SLC7A5: variants seen among roughly 807,000 people sequenced by gnomAD.
The protein encoded by SLC7A5 is large neutral amino acids transporter small subunit 1.
SLC7A5 carries 23 observed loss-of-function variants against 50.2 expected under a neutral mutation model. The observed-to-expected ratio is 0.46, with a 90% CI of 0.33 to 0.65. The LOEUF (loss-of-function observed/expected upper bound fraction) is 0.65, where lower values mean the gene tolerates loss of function less well. Among genes scored for constraint, SLC7A5 ranks in the 30% least tolerant of loss-of-function variants. The pLI, the probability that SLC7A5 is intolerant of heterozygous loss-of-function variation, is 0.02. For synonymous variants in SLC7A5, 393 were observed against 330.6 expected, an observed-to-expected ratio of 1.19 and a Z score of -2.05; for missense variants, 578 against 684.4, an observed-to-expected ratio of 0.84 and a Z score of 1.73.
chr16:87,866,739 T>TA (rs1206978040), intron 1 of SLC7A5, among the ~76,000 whole-genome samples: 1 of 152,128 alleles, frequency 6.6e-6, no homozygotes, highest in East Asian at 1.9e-4. Context: ...GTGCTGGGAT[T>TA]ACAGGTGTGA....
intron 2 of SLC7A5, among the ~76,000 whole-genome samples, chr16:87,848,067 G>C (rs2055175736): frequency 6.6e-6 from 1 of 152,260 alleles, no homozygotes; most frequent in African/African-American, 2.4e-5. Flanking sequence ...TGGGGTGAAG[G>C]ACAGCAAGAG....
Position 87,853,387 on chromosome 16 carries a change from GA to G in SLC7A5, c.539-1539del, listed in dbSNP as rs1272901322. The stretch of plus-strand genomic sequence containing the variant: ...TACTACACACCAGGAAAGTCTGGTT[GA>G]AAAATGTCTGAAAGTCAGTGTTTTC... On this transcript the variant is annotated intron_variant, in intron 1 of 9. Transcript: ENST00000261622. The surrounding 1 kb of genome is among the most constrained non-coding windows in gnomAD (Gnocchi z 4.4). 2.0e-5 allele frequency among the ~76,000 whole-genome samples: 3 copies of G among 152,188 alleles called. No homozygotes were observed. Among genetic ancestry groups the G allele is most frequent in the African/African-American group, 4.8e-5 (2 of 41,450 alleles).
In SLC7A5 at chr16:87,860,340, ATACACAC is replaced by A. The variant is rs1162470202; in HGVS notation, c.539-8498_539-8492del. Among the ~76,000 whole-genome samples the A allele has an allele frequency of 2.5e-4, 13 of 52,196 alleles. No individual in the cohort carries two copies. Among genetic ancestry groups the A allele is most frequent in the East Asian group, 7.1e-4 (2 of 2,828 alleles). 34.2% of individuals were successfully genotyped at this position (52,196 alleles called of 152,430 possible). A position where few individuals can be genotyped will look rare whatever the true frequency, so the allele number is the denominator to read the frequency against. On this transcript the variant is annotated intron_variant, in intron 1 of 9. Transcript: ENST00000261622. The surrounding 1 kb of genome is among the most constrained non-coding windows in gnomAD (Gnocchi z 4.8). Reference sequence around the variant, plus strand: ...AAAAGCATCTCAAAAAAAAAAAAAAATACACACACACACACACACACACACACACACA... The same window carrying A: ...AAAAGCATCTCAAAAAAAAAAAAAAAACACACACACACACACACACACACA...
intron 2 of SLC7A5, among the ~76,000 whole-genome samples, chr16:87,845,761 A>G (rs1172945366): frequency 1.3e-5 from 2 of 152,186 alleles, no homozygotes; most frequent in African/African-American, 4.8e-5. Flanking sequence ...CACCAGAAGT[A>G]AAAGCTTTTT....
intron 2 of SLC7A5, among the ~76,000 whole-genome samples, chr16:87,846,937 C>G (rs545441194): frequency 2.0e-4 from 31 of 152,300 alleles, no homozygotes; most frequent in Non-Finnish European, 3.4e-4. Context: ...GGGAAGACAC[C>G]GAGGCTCAGA....
rs183191199 is a variant in SLC7A5, at chr16:87,867,549, C to G, written c.538+1336G>C. On this transcript the variant is annotated intron_variant, in intron 1 of 9. Transcript: ENST00000261622. ...GCATTCTCACATTTATGAAGAAATG[C>G]CTCCCCCTCCCCCTCCCCCCCAAAG... Among the ~76,000 whole-genome samples the G allele has an allele frequency of 3.8e-3, 571 of 151,916 alleles. 2 individuals are homozygous for G. The highest frequency in any genetic ancestry group is 0.013 in the African/African-American group (532 of 41,394).
chr16:87,835,901 A>T (rs1597492968), intron 8 of SLC7A5, among the ~76,000 whole-genome samples: 1 of 152,220 alleles, frequency 6.6e-6, no homozygotes, highest in Non-Finnish European at 1.5e-5. Flanking sequence ...GAGTGACAAA[A>T]GCTGCTGGCT....
chr16:87,866,450 G>C (rs754865837), intron 1 of SLC7A5, among the ~76,000 whole-genome samples: 1 of 152,034 alleles, frequency 6.6e-6, no homozygotes, highest in Non-Finnish European at 1.5e-5. Flanking sequence ...ACAGGTGTGC[G>C]CCATGACGCC....
At chr16:87,858,217 C>T (rs960544900) in intron 1 of SLC7A5, among the ~76,000 whole-genome samples, 5 of 152,204 alleles carry the variant, frequency 3.3e-5, no homozygotes, top group African/African-American at 1.2e-4. Context: ...TTCCTGTTTC[C>T]AACAGACTGG....
Position 87,840,364 on chromosome 16 carries a change from GT to G in SLC7A5, c.815+64del. The G allele has an allele frequency of 4.3e-6, 6 of 1,396,470 alleles. No individual in the cohort carries two copies. In the South Asian group the frequency reaches 6.9e-5, roughly 16 times the overall value. The allele number at this position is 1,396,470 out of a possible 1,614,324, so 86.5% of individuals were successfully genotyped here. A position where few individuals can be genotyped will look rare whatever the true frequency, so the allele number is the denominator to read the frequency against. ...CCGACCAACAGGCTTCGAGTGGAAT[GT>G]GGCTGCTTCCTGCCTCACATTAAAA... is the stretch of plus-strand genomic sequence containing the variant. On this transcript the variant is annotated intron_variant, in intron 4 of 9. Transcript: ENST00000261622.
Position 87,837,508 on chromosome 16 carries a change from CTG to C in SLC7A5, c.1140+335_1140+336del, listed in dbSNP as rs368721553. Reference sequence around the variant, plus strand: ...AAGATGCAGGAGAAGCGGAAGGAAACTGTGTGTGATGCACCCCGCTGAGAAAC... The same window carrying C: ...AAGATGCAGGAGAAGCGGAAGGAAACTGTGTGATGCACCCCGCTGAGAAAC... On this transcript the variant is annotated intron_variant, in intron 7 of 9. Transcript: ENST00000261622. 1.3e-4 allele frequency: 45 copies of C among 336,942 alleles called. 1 individual carries two copies. The highest frequency in any genetic ancestry group is 5.0e-4 in the African/African-American group (24 of 48,272). The allele number at this position is 336,942 out of a possible 1,614,324, so 20.9% of individuals were successfully genotyped here.
At chr16:87,867,251 G>A (rs1301607139) in intron 1 of SLC7A5, among the ~76,000 whole-genome samples, 2 of 152,214 alleles carry the variant, frequency 1.3e-5, no homozygotes, top group African/African-American at 4.8e-5. Flanking sequence ...AGATAAGAGT[G>A]CAGGCTGCGT....
chr16:87,837,608 C>A, intron 7 of SLC7A5: 1 of 523,950 alleles, frequency 1.9e-6, no homozygotes, highest in Non-Finnish European at 3.4e-6. Flanking sequence ...TCAGCTTCTG[C>A]CTCCCGCATT....
intron 4 of SLC7A5, among the ~76,000 whole-genome samples, 182 bp downstream of exon 4, chr16:87,840,247 C>G (rs961019081): frequency 2.0e-5 from 3 of 152,252 alleles, no homozygotes; most frequent in Non-Finnish European, 1.5e-5. Flanking sequence ...CTGGAGAAAC[C>G]GTGCTCAAGG....
intron 1 of SLC7A5, among the ~76,000 whole-genome samples, chr16:87,865,186 A>C (rs1780609728): frequency 6.6e-6 from 1 of 152,120 alleles, no homozygotes; most frequent in South Asian, 2.1e-4. Flanking sequence ...CTGTTACTGA[A>C]AATCACTTTC....
At position 87,830,336 on chromosome 16, in the gene SLC7A5, A is replaced by G. The variant is rs1427157735; in HGVS notation, c.*2634T>C. The G allele has an allele frequency of 2.0e-5, 3 of 152,270 alleles. No individual in the cohort carries two copies. The highest frequency in any genetic ancestry group is 4.4e-5 in the Non-Finnish European group (3 of 68,050). The allele number at this position is 152,270 out of a possible 1,614,324, so 9.4% of individuals were successfully genotyped here. ...TTTAAATTAGTAAGACGTTAGCACAAAACAAAAAAGCACAACGACTGAAAA... is the reference window on the plus strand; with the variant it reads ...TTTAAATTAGTAAGACGTTAGCACAGAACAAAAAAGCACAACGACTGAAAA... On this transcript the variant is annotated 3_prime_UTR_variant, in exon 10 of 10. Coordinates refer to ENST00000261622, the MANE Select transcript of SLC7A5 (RefSeq NM_003486.7).
chr16:87,846,060 T>G (rs79521937), intron 2 of SLC7A5, among the ~76,000 whole-genome samples: 5,996 of 152,120 alleles, frequency 0.039, 382 homozygotes, highest in African/African-American at 0.13. Context: ...AACTGCGAGG[T>G]CTTCGAGGCC....
At chr16:87,866,159 C>T (rs1478969968) in intron 1 of SLC7A5, among the ~76,000 whole-genome samples, 1 of 152,082 alleles carries the variant, frequency 6.6e-6, no homozygotes, top group Admixed American at 6.6e-5. Flanking sequence ...TTCTTAGCAG[C>T]TAAAGAGGGC....
rs763088370 is a variant in SLC7A5 at position 87,836,566 on chromosome 16, C to T, written c.1222G>A (p.Val408Met). 3.1e-6 allele frequency: 5 copies of T among 1,613,588 alleles called. No individual in the cohort carries two copies. Among genetic ancestry groups the T allele is most frequent in the African/African-American group, 1.3e-5 (1 of 74,950 alleles). Reference protein sequence around the residue: ...NFFSFFNWLCVALAIIGMIWL... With the variant: ...NFFSFFNWLCMALAIIGMIWL... ...ATCATGCCGATGATGGCCAGGGCCA[C>T]GCAGAGCCAGTTGAAGAAGCTGAAG... is the stretch of plus-strand genomic sequence containing the variant. Residue 408 changes from valine to methionine, a missense_variant, in exon 8 of 10, where the codon GTG (valine) becomes ATG (methionine). Physicochemically the swap from Val to Met is conservative, Grantham distance 21 (BLOSUM62 1). Around this residue, in one of 2 missense-constraint regions of SLC7A5, gnomAD observed 465 missense variants for 594.6 expected, o/e 0.78. Transcript: ENST00000261622.
Sources: allele counts gnomAD v4.1 joint callset (sites outside exome capture counted in the v4.1 genomes callset), GRCh38; gene constraint gnomAD v4.1.1; regional missense constraint gnomAD v4.1.1; non-coding constraint Gnocchi (gnomAD v3.1); transcripts MANE v1.5; gene names NCBI Gene and HGNC (gene_info 2026-07-23, HGNC 2026-07-21).